PRKN: variants seen among roughly 807,000 people sequenced by gnomAD.
The protein encoded by PRKN is E3 ubiquitin-protein ligase parkin.
Under a neutral mutation model 59.5 loss-of-function variants are expected in PRKN, and 56 were observed. The observed-to-expected ratio is 0.94, with a 90% CI of 0.76 to 1.18. PRKN has a LOEUF of 1.18. Ranked by LOEUF, PRKN falls within the 50% of genes most tolerant of loss-of-function variation. The probability of loss-of-function intolerance (pLI) is 0.00; values close to 1 mark genes in which losing one functional copy is unlikely to be tolerated. For missense variants in PRKN, 657 were observed against 596.4 expected (o/e 1.10, Z -1.06); for synonymous variants, 250 against 222.1 (o/e 1.13, Z -1.12).
chr6:161,453,499 C>T (rs138265906), intron 9 of PRKN, among the ~76,000 whole-genome samples: 1 of 152,242 alleles, frequency 6.6e-6, no homozygotes, highest in Non-Finnish European at 1.5e-5. Flanking sequence ...AGTGGGATTG[C>T]CCTTGATAAT....
At chr6:162,645,936 A>G (rs1158234166) in intron 1 of PRKN, among the ~76,000 whole-genome samples, 2 of 143,250 alleles carry the variant, frequency 1.4e-5, no homozygotes, top group African/African-American at 5.2e-5. Flanking sequence ...GTGCAGTGGC[A>G]AGATCTCAGC....
intron 6 of PRKN, among the ~76,000 whole-genome samples, chr6:161,954,157 G>A (rs937923272): frequency 6.6e-6 from 1 of 152,160 alleles, no homozygotes; most frequent in African/African-American, 2.4e-5. Context: ...TGGTTGATAG[G>A]AATCTCAGCC....
At chr6:161,694,421 G>GT (rs770157418) in intron 7 of PRKN, among the ~76,000 whole-genome samples, 8 of 151,728 alleles carry the variant, frequency 5.3e-5, no homozygotes, top group Admixed American at 2.6e-4. Flanking sequence ...TACCCTTTGG[G>GT]GTTTTTTTTT....
chr6:161,486,479 C>T (rs1489599444), intron 9 of PRKN, among the ~76,000 whole-genome samples: 3 of 152,126 alleles, frequency 2.0e-5, no homozygotes, highest in Non-Finnish European at 4.4e-5. Flanking sequence ...GGTGTGAATA[C>T]AGCTTCTCAC....
At chr6:162,635,803 GAC>G (rs1189172577) in intron 1 of PRKN, among the ~76,000 whole-genome samples, 8 of 152,060 alleles carry the variant, frequency 5.3e-5, no homozygotes, top group Admixed American at 5.2e-4. Flanking sequence ...TCTGTCACTT[GAC>G]ACAAGTGAGT....
At chr6:161,823,098 C>A (rs931269141) in intron 6 of PRKN, among the ~76,000 whole-genome samples, 2 of 144,022 alleles carry the variant, frequency 1.4e-5, no homozygotes, top group African/African-American at 5.1e-5. Flanking sequence ...CTATGCCAGG[C>A]TAATTTTTTT....
chr6:162,584,805 CCCCTCCCCTCCCCTCCCCTCCCCTGT>C (rs1780951875), intron 1 of PRKN, among the ~76,000 whole-genome samples: 1 of 7,258 alleles, frequency 1.4e-4, no homozygotes, highest in Non-Finnish European at 2.1e-4. Flanking sequence ...CCCCTCCCCT[CCCCTCCCCTCCCCTCCCCTCCCCTGT>C]CCCATCCCCT....
At chr6:161,680,746 TATATATATATA>T (rs1785295236) in intron 7 of PRKN, among the ~76,000 whole-genome samples, 1 of 8,582 alleles carries the variant, frequency 1.2e-4, no homozygotes, top group African/African-American at 2.8e-4. Flanking sequence ...TATATATATA[TATATATATATA>T]TATATATATA....
At chr6:162,504,196 A>G (rs537700399) in intron 1 of PRKN, among the ~76,000 whole-genome samples, 1 of 152,294 alleles carries the variant, frequency 6.6e-6, no homozygotes, top group South Asian at 2.1e-4. Context: ...GCATCAGCCT[A>G]GGGTCCTGGT....
chr6:161,966,504 C>G lies in PRKN; in HGVS notation c.734+6798G>C, dbSNP rs201259219. ...GCTTACCTGTGCCATTTTTATATGA[C>G]TTAGGCACCCAAAAAAGTCCTGAAC... On this transcript the variant is annotated intron_variant, in intron 6 of 11. Transcript: ENST00000366898. Among the ~76,000 whole-genome samples the G allele has an allele frequency of 1.8e-4, 28 of 152,272 alleles. No individual in the cohort carries two copies. In the East Asian group the frequency reaches 5.4e-3, roughly 29 times the overall value.
chr6:162,364,562 A>G (rs1583444530), intron 2 of PRKN, among the ~76,000 whole-genome samples: 1 of 152,220 alleles, frequency 6.6e-6, no homozygotes, highest in African/African-American at 2.4e-5. Context: ...AACATCAAAG[A>G]AGGTTCTCAA....
At chr6:162,513,182 A>C (rs1038111940) in intron 1 of PRKN, among the ~76,000 whole-genome samples, 1 of 152,076 alleles carries the variant, frequency 6.6e-6, no homozygotes, top group East Asian at 1.9e-4. Flanking sequence ...GCAAGGAGAC[A>C]AAAAAAGGCA....
rs146465538 is a variant in PRKN, at chr6:162,690,398, T to G, written c.7+37264A>C. On this transcript the variant is annotated intron_variant, in intron 1 of 11. Transcript: ENST00000366898. ...CCTGCTTTCAGAGTCTCTGTTTCCT[T>G]GTTTACTGCTCGCTTCCTCTTAGTT... Among the ~76,000 whole-genome samples the G allele has an allele frequency of 4.0e-3, 606 of 152,334 alleles. 5 individuals are homozygous for G. Among genetic ancestry groups the G allele is most frequent in the African/African-American group, 0.013 (560 of 41,568 alleles).
chr6:162,265,618 G>C (rs546482677), intron 2 of PRKN, among the ~76,000 whole-genome samples: 139 of 152,220 alleles, frequency 9.1e-4, no homozygotes, highest in African/African-American at 3.1e-3. Flanking sequence ...TTAAACCCAG[G>C]AGGCGAAGGT....
In PRKN at chr6:162,114,146, C is replaced by T. The variant is rs1448745216; in HGVS notation, c.535-59972G>A. Among the ~76,000 whole-genome samples the T allele has an allele frequency of 3.9e-4, 59 of 151,894 alleles. 1 individual carries two copies. Among genetic ancestry groups the T allele is most frequent in the East Asian group, 2.3e-3 (12 of 5,142 alleles). On this transcript the variant is annotated intron_variant, in intron 4 of 11. Coordinates refer to ENST00000366898, the MANE Select transcript of PRKN (RefSeq NM_004562.3). ...TGTAGTATAGTTTGAAGTCAGGTAG[C>T]GTGATGCCTCCAGCTTTGTTCTTTT...
chr6:161,510,648 T>C (rs1014130753), intron 9 of PRKN, among the ~76,000 whole-genome samples: 2 of 152,240 alleles, frequency 1.3e-5, no homozygotes, highest in African/African-American at 4.8e-5. Flanking sequence ...GCTATTTGCA[T>C]AAGTAACCAG....
At chr6:162,553,640 T>C (rs558863109) in intron 1 of PRKN, among the ~76,000 whole-genome samples, 1 of 143,786 alleles carries the variant, frequency 7.0e-6, no homozygotes, top group South Asian at 2.2e-4. Flanking sequence ...GGAAGTGCAA[T>C]AAAAAGCGTG....
intron 6 of PRKN, among the ~76,000 whole-genome samples, chr6:161,862,959 C>A (rs991308567): frequency 1.3e-5 from 2 of 152,122 alleles, no homozygotes; most frequent in Non-Finnish European, 2.9e-5. Context: ...ACAATCAGAT[C>A]TTCTCAAATT....
chr6:162,418,576 G>A (rs1164190618), intron 2 of PRKN, among the ~76,000 whole-genome samples: 1 of 151,168 alleles, frequency 6.6e-6, no homozygotes, highest in Non-Finnish European at 1.5e-5. Context: ...TTCAGATGTA[G>A]GCTCCACGAA....
Sources: allele counts gnomAD v4.1 joint callset (sites outside exome capture counted in the v4.1 genomes callset), GRCh38; gene constraint gnomAD v4.1.1; transcripts MANE v1.5; gene names NCBI Gene and HGNC (gene_info 2026-07-23, HGNC 2026-07-21).